Variants in PAK6 observed in about 807,000 individuals in gnomAD.
The protein encoded by PAK6 is serine/threonine-protein kinase PAK 6.
PAK6 carries 33 observed loss-of-function variants against 60.8 expected under a neutral mutation model. That is an observed-to-expected ratio of 0.54 (90% CI 0.41 to 0.73). The LOEUF is 0.73. PAK6 is among the 30% of genes least tolerant of loss of function. The pLI is 0.00. For missense variants in PAK6, 845 were observed against 904.1 expected (o/e 0.93, Z 0.84); for synonymous variants, 404 against 378.5 (o/e 1.07, Z -0.78).
chr15:40,261,353 A>G (rs1595585856), intron 3 of PAK6, among the ~76,000 whole-genome samples: 1 of 151,674 alleles, frequency 6.6e-6, no homozygotes, highest in Non-Finnish European at 1.5e-5. Flanking sequence ...CCTGGCCAAC[A>G]TGGTGAAACC....
chr15:40,254,206 G>C (rs539683110), intron 3 of PAK6, among the ~76,000 whole-genome samples: 6 of 152,286 alleles, frequency 3.9e-5, no homozygotes, highest in African/African-American at 1.4e-4. Flanking sequence ...AAATGGGAAT[G>C]CGAATGCCTT....
chr15:40,241,378 C>A (rs2038327538), intron 2 of PAK6, among the ~76,000 whole-genome samples: 1 of 152,156 alleles, frequency 6.6e-6, no homozygotes. Context: ...CTGGTGGGAA[C>A]TGGGCTGCAG....
At chr15:40,252,596 C>CCCCT in intron 2 of PAK6, 1 of 1,354,176 alleles carries the variant, frequency 7.4e-7, no homozygotes, top group African/African-American at 1.5e-5. Context: ...GTAAGCGCGG[C>CCCCT]CCCTCCTCGG....
intron 5 of PAK6, among the ~76,000 whole-genome samples, chr15:40,271,416 C>T (rs906510751): frequency 6.6e-6 from 1 of 152,134 alleles, no homozygotes; most frequent in Non-Finnish European, 1.5e-5. Flanking sequence ...TCCTCCCTCC[C>T]GGGGGCTCCT....
intron 5 of PAK6, among the ~76,000 whole-genome samples, chr15:40,268,364 T>C (rs554195941): frequency 6.6e-6 from 1 of 152,172 alleles, no homozygotes; most frequent in African/African-American, 2.4e-5. Flanking sequence ...TCACTAGAAG[T>C]TGGTGGTACC....
chr15:40,264,661 C>G, intron 3 of PAK6, 120 bp from the exon 4 acceptor site: 1 of 801,718 alleles, frequency 1.2e-6, no homozygotes, highest in Non-Finnish European at 2.1e-6. Context: ...GAGGGAAGCC[C>G]TAGGCTTCTA....
intron 3 of PAK6, among the ~76,000 whole-genome samples, chr15:40,257,439 A>G (rs1192145563): frequency 6.6e-6 from 1 of 152,200 alleles, no homozygotes; most frequent in East Asian, 1.9e-4. Flanking sequence ...AACTCACTCT[A>G]GGCCAGGTCT....
chr15:40,256,047 C>T (rs1307985708), intron 3 of PAK6, among the ~76,000 whole-genome samples: 1 of 152,040 alleles, frequency 6.6e-6, no homozygotes, highest in Non-Finnish European at 1.5e-5. Context: ...ATAATAGATA[C>T]TTTCTGAATA....
intron 3 of PAK6, among the ~76,000 whole-genome samples, chr15:40,256,158 G>A (rs551249967): frequency 3.5e-4 from 53 of 152,308 alleles, no homozygotes; most frequent in African/African-American, 1.2e-3. Flanking sequence ...CCAGACGTTC[G>A]AGGCTGCAGT....
At chr15:40,268,760 A>C (rs2039219420) in intron 5 of PAK6, among the ~76,000 whole-genome samples, 1 of 152,198 alleles carries the variant, frequency 6.6e-6, no homozygotes, top group South Asian at 2.1e-4. Context: ...GAGGCAAGAC[A>C]GTTTTTTAGG....
rs2039357150 is a variant in PAK6 at position 40,273,127 on chromosome 15, A to G, written c.1490+128A>G. The G allele has an allele frequency of 3.3e-5, 43 of 1,284,516 alleles. No individual in the cohort carries two copies. In the South Asian group the frequency reaches 5.7e-4, roughly 17 times the overall value. 79.6% of individuals were successfully genotyped at this position (1,284,516 alleles called of 1,614,324 possible). ...CTGGGCTCCCCTGCCTGCTGGGGTA[A>G]CTGAGACCCAGGGGTCTTGGGAGTG... On this transcript the variant is annotated intron_variant, in intron 7 of 10. Transcript: ENST00000560346.
exon 2 of PAK6, chr15:40,240,632 A>G (rs1341882255): frequency 2.3e-6 from 1 of 431,850 alleles, no homozygotes; most frequent in Non-Finnish European, 4.5e-6. Context: ...GACAAGCACC[A>G]GCCTGCAGTG....
intron 3 of PAK6, chr15:40,257,062 C>G (rs898155120): frequency 3.3e-5 from 5 of 152,304 alleles, no homozygotes; most frequent in African/African-American, 1.2e-4. Context: ...AGCACTCGGG[C>G]TTGTGGCCCA....
chr15:40,243,059 CT>C (rs372528662), intron 2 of PAK6, among the ~76,000 whole-genome samples: 50 of 152,326 alleles, frequency 3.3e-4, no homozygotes, highest in Non-Finnish European at 5.1e-4. Flanking sequence ...CCCCAGGTGG[CT>C]TCGTCCTTTT....
chr15:40,261,524 G>A lies in PAK6; in HGVS notation c.-5-3257G>A, dbSNP rs147216295. Among the ~76,000 whole-genome samples, 206 of 152,094 alleles carry A rather than the reference G, an allele frequency of 1.4e-3. No individual in the cohort carries two copies. The East Asian group carries it at 0.021, about 16-fold the overall frequency. On this transcript the variant is annotated intron_variant, in intron 3 of 10. Coordinates refer to ENST00000560346, the Ensembl canonical transcript of PAK6. ...TGCACTCCAGCCCGGGCAAGACAGC[G>A]AGACTCCATCTCAAAAAATATATAT...
chr15:40,257,573 T>G (rs1228573690), intron 3 of PAK6, among the ~76,000 whole-genome samples: 1 of 152,250 alleles, frequency 6.6e-6, no homozygotes, highest in Non-Finnish European at 1.5e-5. Flanking sequence ...AGAGGAGTTC[T>G]GGAAATGCCA....
chr15:40,247,629 CAGAG>C (rs945168217), intron 2 of PAK6, among the ~76,000 whole-genome samples: 3 of 151,780 alleles, frequency 2.0e-5, no homozygotes, highest in African/African-American at 7.3e-5. Flanking sequence ...GAAAGGCAGG[CAGAG>C]AGAGAGAGGC....
intron 2 of PAK6, chr15:40,252,847 A>G (rs2140956639): frequency 1.6e-6 from 2 of 1,275,766 alleles, no homozygotes; most frequent in Non-Finnish European, 2.0e-6. Context: ...GCGTCCCTGG[A>G]GCGGGACCTC....
chr15:40,242,422 A>C (rs1452230556), intron 2 of PAK6, among the ~76,000 whole-genome samples: 1 of 152,228 alleles, frequency 6.6e-6, no homozygotes, highest in African/African-American at 2.4e-5. Context: ...CCTGAGCAGG[A>C]AGGCCCAGGC....
Sources: allele counts gnomAD v4.1 joint callset (sites outside exome capture counted in the v4.1 genomes callset), GRCh38; gene constraint gnomAD v4.1.1; transcripts MANE v1.5; gene names NCBI Gene and HGNC (gene_info 2026-07-23, HGNC 2026-07-21).